The following IRGQ variants were observed in gnomAD, a reference collection of about 807,000 sequenced individuals.
IRGQ encodes immunity related GTPase Q.
IRGQ carries 5 observed loss-of-function variants against 10.5 expected under a neutral mutation model. The ratio of observed to expected loss-of-function variants is 0.48; its 90% confidence interval spans 0.25 to 1.00. IRGQ has a LOEUF of 1.00. Ranked by LOEUF, IRGQ falls within the 50% of genes least tolerant of loss-of-function variation. IRGQ has a pLI of 0.16. For synonymous variants in IRGQ, 418 were observed against 426.0 expected (o/e 0.98, Z 0.23); for missense variants, 792 against 877.7 (o/e 0.90, Z 1.23).
At chr19:43,595,730 T>G (rs918174258) in intron 1 of IRGQ, among the ~76,000 whole-genome samples, 1 of 151,444 alleles carries the variant, frequency 6.6e-6, no homozygotes. Flanking sequence ...AAATAAAATT[T>G]AGCCGGGCAT....
At chr19:43,594,014 C>A (rs541386205) in intron 2 of IRGQ, among the ~76,000 whole-genome samples, 3 of 152,262 alleles carry the variant, frequency 2.0e-5, no homozygotes, top group African/African-American at 7.2e-5. Flanking sequence ...AGAGCAAATC[C>A]AGGAGGTAGC....
At position 43,593,242 on chromosome 19, in the gene IRGQ, C is replaced by T. The variant is rs764250666; in HGVS notation, c.656G>A (p.Arg219His). The T allele has an allele frequency of 4.4e-6, 7 of 1,587,806 alleles. No individual in the cohort carries two copies. In the East Asian group the frequency reaches 1.4e-4, roughly 31 times the overall value. The change falls in exon 3 of 3, where the codon CGC (arginine) becomes CAC (histidine). Residue 219 changes from arginine (R) to histidine (H), a missense_variant. Arg to His is a conservative substitution (Grantham distance 29). Coordinates refer to ENST00000422989, the MANE Select transcript of IRGQ (RefSeq NM_001007561.3). This position sits in a 1 kb window ranked among gnomAD's most constrained non-coding sequence, Gnocchi z 6.4. ...ALSWVRSGLE[R>H]LGSARLDLAV... ...CAGGTCTAGCCGTGCGCTGCCCAGGCGCTCCAGGCCTGAGCGCACCCACGA... is the reference window on the plus strand; with the variant it reads ...CAGGTCTAGCCGTGCGCTGCCCAGGTGCTCCAGGCCTGAGCGCACCCACGA...
Position 43,590,280 on chromosome 19 carries a change from C to T in IRGQ, c.*1746G>A, listed in dbSNP as rs748600812. 6.6e-6 allele frequency: 1 copy of T among 152,264 alleles called. No individual in the cohort carries two copies. Among genetic ancestry groups the T allele is most frequent in the Non-Finnish European group, 1.5e-5 (1 of 68,076 alleles). The allele number at this position is 152,264 out of a possible 1,614,324, so 9.4% of individuals were successfully genotyped here. A position where few individuals can be genotyped will look rare whatever the true frequency, so the allele number is the denominator to read the frequency against. Reference sequence around the variant, plus strand: ...TGAATGAGAATAGGCAAGGGCCAGACCCACAGGGCCTTACTGTGTGCTGTT... The same window carrying T: ...TGAATGAGAATAGGCAAGGGCCAGATCCACAGGGCCTTACTGTGTGCTGTT... On this transcript the variant is annotated 3_prime_UTR_variant, in exon 3 of 3. Coordinates refer to ENST00000422989, the MANE Select transcript of IRGQ (RefSeq NM_001007561.3).
rs979214104 is a variant in IRGQ, at chr19:43,589,607, C to T, written c.*2419G>A. ...TAATAATAATAATAATAAATATTTA[C>T]GAAGCACCTATTGTGTCAGGCACCT... On this transcript the variant is annotated 3_prime_UTR_variant, in exon 3 of 3. Transcript: ENST00000422989. The T allele has an allele frequency of 2.0e-5, 3 of 152,108 alleles. No homozygotes were observed. The highest frequency in any genetic ancestry group is 6.5e-5 in the Admixed American group (1 of 15,274). The allele number at this position is 152,108 out of a possible 1,614,324, so 9.4% of individuals were successfully genotyped here. A position where few individuals can be genotyped will look rare whatever the true frequency, so the allele number is the denominator to read the frequency against.
chr19:43,594,974 T>C lies in IRGQ; in HGVS notation c.365A>G (p.Gln122Arg). 6.2e-7 allele frequency: 1 copy of C among 1,613,976 alleles called. No individual in the cohort carries two copies. Among genetic ancestry groups the C allele is most frequent in the South Asian group, 1.1e-5 (1 of 91,090 alleles). The change falls in exon 2 of 3, where the codon CAG becomes CGG. Residue 122 changes from glutamine to arginine, a missense_variant. Gln to Arg is a conservative substitution (Grantham distance 43). Transcript: ENST00000422989. ...CTGATCACGGGCCTGGGCGGCAGTC[T>C]GTGAATCCCCAGGACGGAGGTTCCG... ...AVRNLRPGDS[Q>R]TAAQARDQTA...
At position 43,593,320 on chromosome 19, in the gene IRGQ, T is replaced by C; in HGVS notation, c.578A>G (p.Glu193Gly). The change falls in exon 3 of 3, where the codon GAG becomes GGG. Residue 193 changes from glutamate (E) to glycine (G), a missense_variant. Transcript: ENST00000422989. The surrounding 1 kb of genome is among the most constrained non-coding windows in gnomAD (Gnocchi z 6.4). Reference protein sequence around the residue: ...QDGFEVLGAAELEAVREAFET... With the variant: ...QDGFEVLGAAGLEAVREAFET... The stretch of plus-strand genomic sequence containing the variant: ...AAAGGCCTCACGCACAGCCTCTAGC[T>C]CTGCTGCACCCAACACCTCGAAGCC... The C allele has an allele frequency of 6.5e-7, 1 of 1,547,558 alleles. No homozygotes were observed. The highest frequency in any genetic ancestry group is 8.7e-7 in the Non-Finnish European group (1 of 1,147,956).
At chr19:43,595,785 G>A (rs1432182404) in intron 1 of IRGQ, among the ~76,000 whole-genome samples, 197 bp downstream of exon 1, 1 of 152,216 alleles carries the variant, frequency 6.6e-6, no homozygotes, top group Non-Finnish European at 1.5e-5. Context: ...GGCTGCGGCG[G>A]GAGGATCGCT....
intron 1 of IRGQ, chr19:43,595,546 A>T: frequency 2.4e-6 from 1 of 416,342 alleles, no homozygotes; most frequent in Non-Finnish European, 4.2e-6. Context: ...CTCCCTCTAG[A>T]TGGAAACGTT....
Position 43,592,742 on chromosome 19 carries a change from G to T in IRGQ, c.1156C>A (p.Pro386Thr). ...GSQKAGSGEG[P>T]GKAGSEGLQQ... ...AAACCCTCGCTGCCAGCTTTCCCAG[G>T]ACCTTCCCCGCTGCCTGCTTTCTGC... The change falls in exon 3 of 3, where the codon CCT (proline) becomes ACT (threonine). Residue 386 changes from proline to threonine, a missense_variant. Transcript: ENST00000422989. 1.9e-6 allele frequency: 3 copies of T among 1,612,280 alleles called. No individual in the cohort carries two copies. The highest frequency in any genetic ancestry group is 2.5e-6 in the Non-Finnish European group (3 of 1,179,960).
At position 43,588,002 on chromosome 19, in the gene IRGQ, C is replaced by A. The variant is rs1973013487; in HGVS notation, c.*4024G>T. 1 of 152,000 alleles carries A rather than the reference C, an allele frequency of 6.6e-6. No individual in the cohort carries two copies. The highest frequency in any genetic ancestry group is 2.1e-4 in the South Asian group (1 of 4,812). 9.4% of individuals were successfully genotyped at this position (152,000 alleles called of 1,614,324 possible). ...ATGTTAAAATGAATTTAACCTGTTT[C>A]CTTTTACTTGTCTAATGTGGCTATT... is the stretch of plus-strand genomic sequence containing the variant. On this transcript the variant is annotated 3_prime_UTR_variant, in exon 3 of 3. Coordinates refer to ENST00000422989, the MANE Select transcript of IRGQ (RefSeq NM_001007561.3).
In IRGQ at chr19:43,595,086, G is replaced by A. The variant is rs762858248; in HGVS notation, c.253C>T (p.Pro85Ser). The change falls in exon 2 of 3, where the codon CCC becomes TCC. Residue 85 changes from proline (P) to serine (S), a missense_variant. By Grantham distance (74) the Pro-to-Ser change is moderately conservative. Transcript: ENST00000422989. ...ANVLVLVLPG[P>S]EGNGEPLAPA... is the part of the protein sequence containing the mutation. ...GCCAACGGTTCCCCGTTCCCCTCGG[G>A]TCCGGGCAGCACCAGTACCAGCACG... is the stretch of plus-strand genomic sequence containing the variant. 8 of 1,611,276 alleles carry A rather than the reference G, an allele frequency of 5.0e-6. No individual in the cohort carries two copies. The highest frequency in any genetic ancestry group is 4.0e-5 in the African/African-American group (3 of 74,920).
In IRGQ at chr19:43,590,250, G is replaced by A. The variant is rs1429563553; in HGVS notation, c.*1776C>T. 1.3e-5 allele frequency: 2 copies of A among 152,280 alleles called. No homozygotes were observed. The highest frequency in any genetic ancestry group is 4.8e-5 in the African/African-American group (2 of 41,434). The allele number at this position is 152,280 out of a possible 1,614,324, so 9.4% of individuals were successfully genotyped here. A position where few individuals can be genotyped will look rare whatever the true frequency, so the allele number is the denominator to read the frequency against. On this transcript the variant is annotated 3_prime_UTR_variant, in exon 3 of 3. Coordinates refer to ENST00000422989, the MANE Select transcript of IRGQ (RefSeq NM_001007561.3). The stretch of plus-strand genomic sequence containing the variant: ...ATCAGGCTGGACAGGAGTGGGAAGG[G>A]GCAGTGAATGAGAATAGGCAAGGGC...
chr19:43,592,387 C>G lies in IRGQ; in HGVS notation c.1511G>C (p.Cys504Ser). 1.3e-6 allele frequency: 2 copies of G among 1,577,358 alleles called. No individual in the cohort carries two copies. The highest frequency in any genetic ancestry group is 2.3e-5 in the South Asian group (2 of 88,512). ...CTGACCCCGCAGAAGTGCCACGTCG[C>G]ATGCCCAGCCCAGCCCTGGGAGTGG... ...AAPLPGLGWACDVALLRGQLA... is the reference protein window; with the variant it reads ...AAPLPGLGWASDVALLRGQLA... Residue 504 changes from cysteine to serine, a missense_variant, in exon 3 of 3, where the codon TGC (cysteine) becomes TCC (serine). Physicochemically the swap from Cys to Ser is moderately radical, Grantham distance 112 (BLOSUM62 -1). Coordinates refer to ENST00000422989, the MANE Select transcript of IRGQ (RefSeq NM_001007561.3).
At position 43,593,756 on chromosome 19, in the gene IRGQ, G is replaced by C. The variant is rs751730727; in HGVS notation, c.531-389C>G. 5.3e-5 allele frequency among the ~76,000 whole-genome samples: 8 copies of C among 152,286 alleles called. No individual in the cohort carries two copies. The highest frequency in any genetic ancestry group is 5.2e-4 in the Admixed American group (8 of 15,294). On this transcript the variant is annotated intron_variant, in intron 2 of 2. Transcript: ENST00000422989. The surrounding 1 kb of genome is among the most constrained non-coding windows in gnomAD (Gnocchi z 6.4). Reference sequence around the variant, plus strand: ...TAGAACAAAGAATCGCAACTGTATTGTGGCCTAAACACAAGTCCAGCACTA... The same window carrying C: ...TAGAACAAAGAATCGCAACTGTATTCTGGCCTAAACACAAGTCCAGCACTA...
rs1973014468 is a variant in IRGQ at position 43,588,084 on chromosome 19, C to A, written c.*3942G>T. The A allele has an allele frequency of 6.6e-6, 1 of 151,832 alleles. No individual in the cohort carries two copies. The highest frequency in any genetic ancestry group is 1.5e-5 in the Non-Finnish European group (1 of 67,964). The allele number at this position is 151,832 out of a possible 1,614,324, so 9.4% of individuals were successfully genotyped here. A position where few individuals can be genotyped will look rare whatever the true frequency, so the allele number is the denominator to read the frequency against. Reference sequence around the variant, plus strand: ...GCTGAGGTGGGCAGATAACTTGAGGCCATGAGTTCCAGACCAGCTTAGCCA... The same window carrying A: ...GCTGAGGTGGGCAGATAACTTGAGGACATGAGTTCCAGACCAGCTTAGCCA... On this transcript the variant is annotated 3_prime_UTR_variant, in exon 3 of 3. Transcript: ENST00000422989.
chr19:43,594,967 G>T lies in IRGQ; in HGVS notation c.372C>A (p.Ala124=). 6.2e-7 allele frequency: 1 copy of T among 1,613,982 alleles called. No homozygotes were observed. Among genetic ancestry groups the T allele is most frequent in the Non-Finnish European group, 8.5e-7 (1 of 1,179,942 alleles). ...RNLRPGDSQT[A]AQARDQTAAL... ...CTGCTGTCTGATCACGGGCCTGGGC[G>T]GCAGTCTGTGAATCCCCAGGACGGA... is the stretch of plus-strand genomic sequence containing the variant. The change falls in exon 2 of 3, where the codon GCC becomes GCA. Residue 124 remains alanine (A), a synonymous_variant. Coordinates refer to ENST00000422989, the MANE Select transcript of IRGQ (RefSeq NM_001007561.3).
chr19:43,590,489 C>T lies in IRGQ; in HGVS notation c.*1537G>A, dbSNP rs891760527. ...CCAGGCACTGTGGTTTCTGCCTTTG[C>T]TTCATTCACTCCTGGCATATTCCCA... On this transcript the variant is annotated 3_prime_UTR_variant, in exon 3 of 3. Transcript: ENST00000422989. 2.6e-5 allele frequency: 4 copies of T among 152,260 alleles called. No homozygotes were observed. Among genetic ancestry groups the T allele is most frequent in the African/African-American group, 9.6e-5 (4 of 41,462 alleles). 9.4% of individuals were successfully genotyped at this position (152,260 alleles called of 1,614,324 possible).
rs1487381846 is a variant in IRGQ, at chr19:43,591,810, T to G, written c.*216A>C. The G allele has an allele frequency of 4.4e-6, 2 of 453,618 alleles. No individual in the cohort carries two copies. The highest frequency in any genetic ancestry group is 7.6e-6 in the Non-Finnish European group (2 of 264,804). 28.1% of individuals were successfully genotyped at this position (453,618 alleles called of 1,614,324 possible). A position where few individuals can be genotyped will look rare whatever the true frequency, so the allele number is the denominator to read the frequency against. On this transcript the variant is annotated 3_prime_UTR_variant, in exon 3 of 3. Transcript: ENST00000422989. ...TTGCAGTGAGCCGAGGTCGCGCCAT[T>G]GCACTCCAGCCTGGGCAACAAGAGA...
Position 43,592,784 on chromosome 19 carries a change from T to G in IRGQ, c.1114A>C (p.Lys372Gln), listed in dbSNP as rs1453258417. The G allele has an allele frequency of 2.5e-6, 4 of 1,613,692 alleles. No homozygotes were observed. The Admixed American group carries it at 5.0e-5, about 20-fold the overall frequency. ...LENALSKGREKCSAGSQKAGS... is the reference protein window; with the variant it reads ...LENALSKGREQCSAGSQKAGS... ...GCTTTCTGCGATCCAGCGCTACATT[T>G]CTCCCTTCCCTTACTGAGTGCATTC... The change falls in exon 3 of 3, where the codon AAA becomes CAA. Residue 372 changes from lysine (K) to glutamine (Q), a missense_variant. Physicochemically the swap from Lys to Gln is moderately conservative, Grantham distance 53. Transcript: ENST00000422989.
Sources: allele counts gnomAD v4.1 joint callset (sites outside exome capture counted in the v4.1 genomes callset), GRCh38; gene constraint gnomAD v4.1.1; non-coding constraint Gnocchi (gnomAD v3.1); transcripts MANE v1.5; gene names NCBI Gene and HGNC (gene_info 2026-07-23, HGNC 2026-07-21).